ASIC2: variants seen among roughly 807,000 people sequenced by gnomAD.
ASIC2 encodes the protein acid sensing ion channel subunit 2, also known as acid-sensing ion channel 2.
In ASIC2, 25 loss-of-function variants were observed where a neutral mutation model predicts 57.3. That is an observed-to-expected ratio of 0.44 (90% confidence interval 0.32 to 0.61). The LOEUF (loss-of-function observed/expected upper bound fraction) is 0.61, where lower values mean the gene tolerates loss of function less well. Ranked by LOEUF, ASIC2 falls within the 20% of genes least tolerant of loss-of-function variation. ASIC2 has a pLI of 0.06. For missense variants in ASIC2, 641 were observed against 738.1 expected, an observed-to-expected ratio of 0.87 and a Z score of 1.52; for synonymous variants, 319 against 307.5, an observed-to-expected ratio of 1.04 and a Z score of -0.39.
At chr17:33,865,785 GT>G (rs1360896399) in intron 1 of ASIC2, among the ~76,000 whole-genome samples, 1 of 71,144 alleles carries the variant, frequency 1.4e-5, no homozygotes, top group Non-Finnish European at 3.1e-5. Flanking sequence ...AAAAAAAAAC[GT>G]TTTTTTATTG....
intron 1 of ASIC2, among the ~76,000 whole-genome samples, chr17:33,797,023 T>C (rs962412671): frequency 6.6e-6 from 1 of 152,158 alleles, no homozygotes; most frequent in Non-Finnish European, 1.5e-5. Context: ...TGCTGACATG[T>C]TCAGTGCATG....
At chr17:33,043,495 C>T (rs575077568) in intron 3 of ASIC2, among the ~76,000 whole-genome samples, 5 of 152,252 alleles carry the variant, frequency 3.3e-5, no homozygotes, top group South Asian at 2.1e-4. Context: ...CTCCCCATTC[C>T]CTCCAATCCT....
At chr17:33,412,016 CAAACAAAACAAAACA>C (rs200144290) in intron 1 of ASIC2, among the ~76,000 whole-genome samples, 88 of 151,812 alleles carry the variant, frequency 5.8e-4, no homozygotes, top group African/African-American at 2.0e-3. Flanking sequence ...AAGAAAAATG[CAAACAAAACAAAACA>C]AAACAAAACA....
chr17:34,112,865 A>C (rs2142112512), intron 1 of ASIC2, among the ~76,000 whole-genome samples: 1 of 152,324 alleles, frequency 6.6e-6, no homozygotes, highest in East Asian at 1.9e-4. Flanking sequence ...GAGACCTATT[A>C]ATGTTACTTC....
At chr17:33,872,082 G>T (rs912906679) in intron 1 of ASIC2, among the ~76,000 whole-genome samples, 2 of 152,102 alleles carry the variant, frequency 1.3e-5, no homozygotes, top group South Asian at 4.1e-4. Flanking sequence ...CAAGTGACTC[G>T]CCTGGACCAG....
chr17:33,030,958 G>A (rs930200628), intron 3 of ASIC2, among the ~76,000 whole-genome samples: 4 of 152,104 alleles, frequency 2.6e-5, no homozygotes, highest in African/African-American at 7.2e-5. Context: ...GAGGCATATT[G>A]TATTTAATTT....
At chr17:33,805,762 A>G (rs998163193) in intron 1 of ASIC2, among the ~76,000 whole-genome samples, 1 of 152,214 alleles carries the variant, frequency 6.6e-6, no homozygotes, top group African/African-American at 2.4e-5. Flanking sequence ...GTCTGTAGTG[A>G]TGAAACCTGC....
intron 1 of ASIC2, among the ~76,000 whole-genome samples, chr17:33,178,681 G>T (rs1050359341): frequency 6.6e-6 from 1 of 152,156 alleles, no homozygotes; most frequent in Admixed American, 6.5e-5. Context: ...GCTGATAGGC[G>T]TCATCTCTAC....
intron 1 of ASIC2, among the ~76,000 whole-genome samples, chr17:33,702,866 C>G (rs1272702637): frequency 6.6e-6 from 1 of 152,118 alleles, no homozygotes; most frequent in Non-Finnish European, 1.5e-5. Flanking sequence ...CTCTGTATGC[C>G]AGGCGATGTA....
chr17:33,263,528 C>G (rs916025336), intron 1 of ASIC2, among the ~76,000 whole-genome samples: 3 of 152,346 alleles, frequency 2.0e-5, no homozygotes, highest in Admixed American at 6.5e-5. Context: ...GCTCCTCCCA[C>G]TAGGTGCTTC....
At chr17:34,013,648 G>A (rs78914963) in intron 1 of ASIC2, among the ~76,000 whole-genome samples, 8,688 of 152,280 alleles carry the variant, frequency 0.057, 446 homozygotes, top group East Asian at 0.21. Flanking sequence ...CCACATGGGT[G>A]CTGTTATGGA....
At chr17:33,347,373 G>A (rs1907989560) in intron 1 of ASIC2, among the ~76,000 whole-genome samples, 1 of 152,208 alleles carries the variant, frequency 6.6e-6, no homozygotes, top group Admixed American at 6.5e-5. Context: ...GAGTTTTTGA[G>A]TAGAGTAAAA....
At chr17:33,497,705 C>T (rs1358142094) in intron 1 of ASIC2, among the ~76,000 whole-genome samples, 3 of 152,022 alleles carry the variant, frequency 2.0e-5, no homozygotes, top group African/African-American at 7.2e-5. Context: ...CAAACCCAAT[C>T]CACACACCTT....
chr17:33,775,098 C>T lies in ASIC2; in HGVS notation c.555+380880G>A, dbSNP rs571736656. On this transcript the variant is annotated intron_variant, in intron 1 of 9. Transcript: ENST00000359872. The stretch of plus-strand genomic sequence containing the variant: ...TGCAAGGCTTGGAAGCGATCCCATC[C>T]GGGCTTGGGAGAGACAGGAGAGGGA... Among the ~76,000 whole-genome samples, 11 of 152,274 alleles carry T rather than the reference C, an allele frequency of 7.2e-5. No homozygotes were observed. In the South Asian group the frequency reaches 2.3e-3, roughly 32 times the overall value.
At chr17:33,732,365 T>C (rs745609231) in intron 1 of ASIC2, among the ~76,000 whole-genome samples, 2 of 152,170 alleles carry the variant, frequency 1.3e-5, no homozygotes, top group South Asian at 2.1e-4. Flanking sequence ...GTGATCAAAA[T>C]AGTCAAAAAA....
At chr17:33,435,002 T>C (rs1380099941) in intron 1 of ASIC2, among the ~76,000 whole-genome samples, 1 of 152,192 alleles carries the variant, frequency 6.6e-6, no homozygotes, top group Non-Finnish European at 1.5e-5. Flanking sequence ...TGATTAATCA[T>C]AGGATATTCT....
chr17:33,780,160 G>T (rs548477495), intron 1 of ASIC2, among the ~76,000 whole-genome samples: 1 of 151,694 alleles, frequency 6.6e-6, no homozygotes, highest in South Asian at 2.1e-4. Flanking sequence ...TGGTAGAGAC[G>T]GGGTTTTGCT....
At chr17:33,662,485 G>GT (rs968885580) in intron 1 of ASIC2, among the ~76,000 whole-genome samples, 3 of 122,384 alleles carry the variant, frequency 2.5e-5, no homozygotes, top group African/African-American at 1.1e-4. Flanking sequence ...GCCAGGTGTG[G>GT]TGGGGGGGGC....
At chr17:34,024,118 C>G (rs1179072835) in intron 1 of ASIC2, among the ~76,000 whole-genome samples, 2 of 152,146 alleles carry the variant, frequency 1.3e-5, no homozygotes, top group African/African-American at 2.4e-5. Context: ...TATAGAGGGG[C>G]TCTTGAGAAC....
Sources: gnomAD v4.1 joint callset for allele counts (sites outside exome capture counted in the v4.1 genomes callset) on GRCh38, gnomAD v4.1.1 for gene constraint, MANE v1.5 for transcripts, NCBI Gene and HGNC (gene_info 2026-07-23, HGNC 2026-07-21) for gene names.